Variants in CNOT1 observed in about 807,000 individuals in gnomAD.
CNOT1 encodes the protein CCR4-associated factor 1.
A neutral mutation model predicts 273.8 loss-of-function variants in CNOT1; 15 were observed. The ratio of observed to expected loss-of-function variants is 0.05; its 90% CI spans 0.04 to 0.08. The LOEUF is 0.08. Among genes scored for constraint, CNOT1 ranks in the 10% least tolerant of loss-of-function variants. CNOT1 has a pLI of 1.00. For synonymous variants in CNOT1, 1,022 were observed against 1,005.5 expected, an observed-to-expected ratio of 1.02 and a Z score of -0.31; for missense variants, 1,644 against 2,912.2, an observed-to-expected ratio of 0.56 and a Z score of 10.02.
At chr16:58,589,370 A>G (rs1309102820) in intron 2 of CNOT1, among the ~76,000 whole-genome samples, 1 of 152,086 alleles carries the variant, frequency 6.6e-6, no homozygotes, top group Non-Finnish European at 1.5e-5. Flanking sequence ...AAAATTAGCC[A>G]AGCATGGTGA....
intron 16 of CNOT1, among the ~76,000 whole-genome samples, chr16:58,567,402 T>C (rs544127224): frequency 6.6e-6 from 1 of 151,542 alleles, no homozygotes; most frequent in South Asian, 2.1e-4. Context: ...GCAGGAGGAG[T>C]GCCTCAGCTC....
intron 39 of CNOT1, among the ~76,000 whole-genome samples, chr16:58,535,623 G>C (rs950482603): frequency 6.6e-6 from 1 of 152,078 alleles, no homozygotes; most frequent in Non-Finnish European, 1.5e-5. Flanking sequence ...TGCAGTAATA[G>C]CTTTTCAGTA....
rs930219983 is a variant in CNOT1 at position 58,582,123 on chromosome 16, C to CAA, written c.1045-610_1045-609dup. ...TGAAACCCTGTCTCTACTAAAAATACAAAAAAAAAAAAAAAAAAATTAGCC... is the reference window on the plus strand; with the variant it reads ...TGAAACCCTGTCTCTACTAAAAATACAAAAAAAAAAAAAAAAAAAAATTAGCC... On this transcript the variant is annotated intron_variant, in intron 10 of 48. Coordinates refer to ENST00000317147, the MANE Select transcript of CNOT1 (RefSeq NM_016284.5). Among the ~76,000 whole-genome samples the CAA allele has an allele frequency of 5.7e-3, 570 of 99,386 alleles. 2 individuals carry two copies. The highest frequency in any genetic ancestry group is 0.015 in the East Asian group (47 of 3,124). 65.2% of individuals were successfully genotyped at this position (99,386 alleles called of 152,430 possible).
chr16:58,545,299 G>A, intron 30 of CNOT1, 62 bp downstream of exon 30: 1 of 1,590,684 alleles, frequency 6.3e-7, no homozygotes, highest in Non-Finnish European at 8.6e-7. Flanking sequence ...AGAAAAGGTG[G>A]CCAAACAAAA....
chr16:58,577,324 C>A (rs1052396167), intron 13 of CNOT1, among the ~76,000 whole-genome samples: 3 of 152,114 alleles, frequency 2.0e-5, no homozygotes, highest in Admixed American at 6.6e-5. Flanking sequence ...TACCTCACAG[C>A]TATGGTGAGA....
At chr16:58,594,503 T>C (rs1032713375) in intron 2 of CNOT1, among the ~76,000 whole-genome samples, 23 of 151,866 alleles carry the variant, frequency 1.5e-4, no homozygotes, top group Non-Finnish European at 3.1e-4. Context: ...AAATTATATA[T>C]TTTAAAAGGG....
intron 1 of CNOT1, among the ~76,000 whole-genome samples, chr16:58,625,967 T>TTC (rs2043561353): frequency 6.6e-6 from 1 of 151,980 alleles, no homozygotes; most frequent in East Asian, 1.9e-4. Flanking sequence ...AGAAAAGGAA[T>TTC]TGCTAGATTC....
intron 1 of CNOT1, among the ~76,000 whole-genome samples, chr16:58,627,353 A>C (rs2043626339): frequency 8.1e-6 from 1 of 123,942 alleles, no homozygotes; most frequent in African/African-American, 3.2e-5. Flanking sequence ...CAGTGAACCG[A>C]GATTGTGTGC....
At chr16:58,559,671 C>T in intron 17 of CNOT1, 1 of 358,692 alleles carries the variant, frequency 2.8e-6, no homozygotes, top group Non-Finnish European at 5.8e-6. Context: ...GAAGTAGCCA[C>T]TGAATCACTA....
intron 1 of CNOT1, among the ~76,000 whole-genome samples, chr16:58,604,757 A>C (rs2042608589): frequency 6.8e-6 from 1 of 147,178 alleles, no homozygotes; most frequent in Non-Finnish European, 1.5e-5. Context: ...AGATCGTGCC[A>C]TTGCACTCCA....
rs1040264520 is a variant in CNOT1 at position 58,615,549 on chromosome 16, T to C, written c.-175+14179A>G. On this transcript the variant is annotated intron_variant, in intron 1 of 48. Coordinates refer to ENST00000317147, the MANE Select transcript of CNOT1 (RefSeq NM_016284.5). ...AGACGAAGGGAGACTTCTTGAATTA[T>C]TGCACAGGATCCTCAATGAAACATC... Among the ~76,000 whole-genome samples the C allele has an allele frequency of 6.4e-5, 8 of 125,280 alleles. 1 individual carries two copies. The highest frequency in any genetic ancestry group is 1.3e-4 in the Non-Finnish European group (7 of 52,652). The allele number at this position is 125,280 out of a possible 152,430, so 82.2% of individuals were successfully genotyped here. A position where few individuals can be genotyped will look rare whatever the true frequency, so the allele number is the denominator to read the frequency against.
rs1246286338 is a variant in CNOT1 at position 58,525,239 on chromosome 16, T to G, written c.6724A>C (p.Ile2242Leu). 2 of 1,614,008 alleles carry G rather than the reference T, an allele frequency of 1.2e-6. No homozygotes were observed. The highest frequency in any genetic ancestry group is 1.7e-6 in the Non-Finnish European group (2 of 1,180,050). Residue 2242 changes from isoleucine (I) to leucine (L), a missense_variant, in exon 46 of 49, where the codon ATC becomes CTC. This residue lies in a region of CNOT1 where 140 missense variants were observed against 324.6 expected (regional missense o/e 0.43). Transcript: ENST00000317147. ...ATATCCATGTGTGCTGAGTGAGTGATGGTGCTCATTGAAGGTGTGCTGCCC... is the reference window on the plus strand; with the variant it reads ...ATATCCATGTGTGCTGAGTGAGTGAGGGTGCTCATTGAAGGTGTGCTGCCC... ...NKGSTPSMSTITHSAHMDIFQ... is the reference protein window; with the variant it reads ...NKGSTPSMSTLTHSAHMDIFQ...
rs1208385889 is a variant in CNOT1 at position 58,585,491 on chromosome 16, C to T, written c.653G>A (p.Arg218His). ...AAGTGGTGCGAGCACCACGGGACAG[C>T]GTTCTTGGGGAAAATCTGAGAGAGG... Reference protein sequence around the residue: ...KTLRRDFPQERCPVVLAPLLY... With the variant: ...KTLRRDFPQEHCPVVLAPLLY... Residue 218 changes from arginine (R) to histidine (H), a missense_variant, in exon 8 of 49, where the codon CGC (arginine) becomes CAC (histidine). By Grantham distance (29) the Arg-to-His change is conservative. Coordinates refer to ENST00000317147, the MANE Select transcript of CNOT1 (RefSeq NM_016284.5). 4 of 1,611,110 alleles carry T rather than the reference C, an allele frequency of 2.5e-6. No homozygotes were observed. Among genetic ancestry groups the T allele is most frequent in the Admixed American group, 1.7e-5 (1 of 59,042 alleles).
chr16:58,596,039 A>C (rs2042238849), intron 2 of CNOT1, among the ~76,000 whole-genome samples: 1 of 152,234 alleles, frequency 6.6e-6, no homozygotes, highest in Non-Finnish European at 1.5e-5. Flanking sequence ...ATTTTCACAT[A>C]AAAACTGGAA....
At chr16:58,587,922 T>G in intron 3 of CNOT1, 44 bp from the exon 4 acceptor site, 1 of 1,563,362 alleles carries the variant, frequency 6.4e-7, no homozygotes, top group Non-Finnish European at 8.7e-7. Context: ...AATCATCATC[T>G]AAGAACAAAC....
chr16:58,589,043 G>A, intron 2 of CNOT1, 137 bp from the exon 3 acceptor site: 1 of 1,182,940 alleles, frequency 8.5e-7, no homozygotes, highest in Admixed American at 2.9e-5. Context: ...TAAAGTTAAA[G>A]GAATTATTGA....
rs113826662 is a variant in CNOT1, at chr16:58,527,190, G to A, written c.6454-1052C>T. ...TTAACCTCAAATCGAAAATATGGGG[G>A]GTGAAGGTAGAGGTAGATGATGGGG... On this transcript the variant is annotated intron_variant, in intron 44 of 48. Transcript: ENST00000317147. Among the ~76,000 whole-genome samples the A allele has an allele frequency of 2.7e-3, 413 of 152,102 alleles. 2 individuals carry two copies. The highest frequency in any genetic ancestry group is 9.4e-3 in the African/African-American group (389 of 41,488).
At chr16:58,615,009 G>A (rs1448855898) in intron 1 of CNOT1, among the ~76,000 whole-genome samples, 1 of 98,932 alleles carries the variant, frequency 1.0e-5, no homozygotes, top group Non-Finnish European at 2.3e-5. Context: ...CACTGGGCCT[G>A]TATCCTTTGC....
intron 1 of CNOT1, among the ~76,000 whole-genome samples, chr16:58,601,794 T>C (rs2042476909): frequency 1.4e-5 from 2 of 138,332 alleles, no homozygotes; most frequent in South Asian, 4.6e-4. Flanking sequence ...CCCAGCACTT[T>C]GGGAGGCTGA....
Sources: gnomAD v4.1 joint callset for allele counts (sites outside exome capture counted in the v4.1 genomes callset) on GRCh38, gnomAD v4.1.1 for gene constraint, gnomAD v4.1.1 regional missense constraint, MANE v1.5 for transcripts, NCBI Gene and HGNC (gene_info 2026-07-23, HGNC 2026-07-21) for gene names.